TJP2: variants seen among roughly 807,000 people sequenced by gnomAD.
TJP2 encodes Friedreich ataxia region gene X104 (tight junction protein ZO-2).
In TJP2, 91 loss-of-function variants were observed where a neutral mutation model predicts 133.1. That is an observed-to-expected ratio of 0.68 (90% confidence interval 0.58 to 0.81). TJP2 has a LOEUF of 0.81. TJP2 is among the 40% of genes least tolerant of loss of function. The pLI is 0.00. For synonymous variants in TJP2, 592 were observed against 583.4 expected (o/e 1.01, Z -0.21); for missense variants, 1,541 against 1,565.6 (o/e 0.98, Z 0.26).
chr9:69,236,341 T>C, intron 13 of TJP2, 103 bp downstream of exon 13: 2 of 1,124,544 alleles, frequency 1.8e-6, no homozygotes, highest in Non-Finnish European at 2.6e-6. Flanking sequence ...ACATGATGAG[T>C]TCATTACTTG....
upstream of TJP2, chr9:69,174,012 T>A: frequency 1.0e-6 from 1 of 984,628 alleles, no homozygotes; most frequent in Non-Finnish European, 1.2e-6. Context: ...GGGCTTCTCC[T>A]GCCGCCGCCG....
chr9:69,218,242 AT>A lies in TJP2; in HGVS notation c.240-12del. The A allele has an allele frequency of 1.3e-6, 2 of 1,598,804 alleles. No individual in the cohort carries two copies. ...TGGGAGTTTTTCATGACCCATTTTTATTTCTTGTTTACAGAGAAAATGACAG... is the reference window on the plus strand; with the variant it reads ...TGGGAGTTTTTCATGACCCATTTTTATTCTTGTTTACAGAGAAAATGACAG... On this transcript the variant is annotated splice_polypyrimidine_tract_variant and intron_variant, in intron 3 of 22. Transcript: ENST00000377245.
chr9:69,147,508 C>A (rs566654842), intron 1 of TJP2, among the ~76,000 whole-genome samples: 18 of 152,254 alleles, frequency 1.2e-4, no homozygotes, highest in African/African-American at 4.3e-4. Context: ...TTGGAGTCAT[C>A]CTGATCAAGG....
At chr9:69,245,614 G>A (rs1411878754) in intron 17 of TJP2, among the ~76,000 whole-genome samples, 13 of 152,190 alleles carry the variant, frequency 8.5e-5, no homozygotes, top group Admixed American at 8.5e-4. Flanking sequence ...AGTTTTCTGA[G>A]CTTGCATCCA....
Position 69,227,703 on chromosome 9 carries a change from C to A in TJP2, c.1211-62C>A. The A allele has an allele frequency of 2.5e-6, 3 of 1,201,122 alleles. No individual in the cohort carries two copies. The South Asian group carries it at 4.0e-5, about 16-fold the overall frequency. 74.4% of individuals were successfully genotyped at this position (1,201,122 alleles called of 1,614,324 possible). ...TCCTACCCAGAGAATAGTGCAATTTCTCTGGGTAGGAGAATATTTTAAATA... is the reference window on the plus strand; with the variant it reads ...TCCTACCCAGAGAATAGTGCAATTTATCTGGGTAGGAGAATATTTTAAATA... On this transcript the variant is annotated intron_variant, in intron 7 of 22. Transcript: ENST00000377245.
chr9:69,188,589 TTAAG>T (rs1236851641), intron 1 of TJP2, among the ~76,000 whole-genome samples: 2 of 152,150 alleles, frequency 1.3e-5, no homozygotes, highest in Non-Finnish European at 2.9e-5. Flanking sequence ...CTAGAGAATC[TTAAG>T]TAAAAGTAAC....
intron 1 of TJP2, among the ~76,000 whole-genome samples, chr9:69,132,140 T>G (rs1224166787): frequency 6.6e-6 from 1 of 152,226 alleles, no homozygotes; most frequent in East Asian, 1.9e-4. Flanking sequence ...AGGGACTCAC[T>G]GCCCCGGGTT....
chr9:69,169,310 T>C (rs983611893), upstream of TJP2, among the ~76,000 whole-genome samples: 1 of 151,428 alleles, frequency 6.6e-6, no homozygotes, highest in Non-Finnish European at 1.5e-5. Flanking sequence ...TACTTTACAG[T>C]GTACACGTTA....
At chr9:69,183,729 A>G (rs1825667570) in intron 1 of TJP2, among the ~76,000 whole-genome samples, 1 of 152,102 alleles carries the variant, frequency 6.6e-6, no homozygotes, top group Non-Finnish European at 1.5e-5. Flanking sequence ...TAAAAAACTT[A>G]TTTTAGATTA....
At chr9:69,248,379 A>G (rs1011730316) in intron 19 of TJP2, 155 bp downstream of exon 19, 7 of 1,442,222 alleles carry the variant, frequency 4.9e-6, no homozygotes, top group African/African-American at 4.3e-5. Context: ...CCACGCTGGC[A>G]TGGTTGCAGT....
At chr9:69,232,656 T>C (rs915824948) in intron 11 of TJP2, among the ~76,000 whole-genome samples, 11 of 152,206 alleles carry the variant, frequency 7.2e-5, no homozygotes, top group Non-Finnish European at 1.2e-4. Flanking sequence ...GAGCCAGATA[T>C]GTATATTCCT....
chr9:69,237,091 G>T lies in TJP2; in HGVS notation c.2134G>T (p.Val712Phe), dbSNP rs764065780. 2 of 1,614,160 alleles carry T rather than the reference G, an allele frequency of 1.2e-6. No individual in the cohort carries two copies. Among genetic ancestry groups the T allele is most frequent in the Non-Finnish European group, 1.7e-6 (2 of 1,180,032 alleles). The change falls in exon 14 of 23, where the codon GTC becomes TTC. Residue 712 changes from valine to phenylalanine, a missense_variant. Physicochemically the swap from Val to Phe is conservative, Grantham distance 50 (BLOSUM62 -1). Coordinates refer to ENST00000377245, the MANE Select transcript of TJP2 (RefSeq NM_004817.4). ...SREDLTAVVSVSTKFPAYERV... is the reference protein window; with the variant it reads ...SREDLTAVVSFSTKFPAYERV... Reference sequence around the variant, plus strand: ...GGAAGACCTCACAGCTGTTGTGTCTGTCAGCACCAAGTTCCCAGCTTATGA... The same window carrying T: ...GGAAGACCTCACAGCTGTTGTGTCTTTCAGCACCAAGTTCCCAGCTTATGA...
chr9:69,169,612 G>A (rs992158103), upstream of TJP2, among the ~76,000 whole-genome samples: 3 of 151,998 alleles, frequency 2.0e-5, no homozygotes, highest in East Asian at 5.8e-4. Context: ...CATCCGCCTC[G>A]GCCTCCCAAA....
chr9:69,248,732 C>T, intron 19 of TJP2: 1 of 998,528 alleles, frequency 1.0e-6, no homozygotes. Flanking sequence ...CTGATCACAT[C>T]ACATGTACTG....
intron 17 of TJP2, among the ~76,000 whole-genome samples, chr9:69,241,800 A>G (rs570189254): frequency 1.3e-3 from 192 of 152,316 alleles, no homozygotes; most frequent in Non-Finnish European, 2.4e-3. Flanking sequence ...ATTCTGATGT[A>G]TGACTGAGCC....
At chr9:69,187,621 C>T (rs1588005285) in intron 1 of TJP2, among the ~76,000 whole-genome samples, 1 of 152,236 alleles carries the variant, frequency 6.6e-6, no homozygotes, top group African/African-American at 2.4e-5. Context: ...ATACAGGCTT[C>T]AGTGCATGGG....
intron 1 of TJP2, among the ~76,000 whole-genome samples, chr9:69,190,890 GC>G (rs1334871617): frequency 6.6e-6 from 1 of 152,190 alleles, no homozygotes; most frequent in Admixed American, 6.5e-5. Context: ...CCGTGATTTT[GC>G]CTCTTGTAGT....
At chr9:69,198,601 A>AC (rs1413659283) in intron 1 of TJP2, among the ~76,000 whole-genome samples, 1 of 152,264 alleles carries the variant, frequency 6.6e-6, no homozygotes, top group East Asian at 1.9e-4. Flanking sequence ...CCTATCACAA[A>AC]CCCCTCTCTA....
chr9:69,133,477 C>T (rs1822584998), intron 1 of TJP2, among the ~76,000 whole-genome samples: 1 of 151,502 alleles, frequency 6.6e-6, no homozygotes, highest in Non-Finnish European at 1.5e-5. Flanking sequence ...TGGGTGCACA[C>T]AAGCCTGCAT....
Sources: gnomAD v4.1 joint callset for allele counts (sites outside exome capture counted in the v4.1 genomes callset) on GRCh38, gnomAD v4.1.1 for gene constraint, MANE v1.5 for transcripts, NCBI Gene and HGNC (gene_info 2026-07-23, HGNC 2026-07-21) for gene names.